The following DNAJB6 variants were observed in gnomAD, a reference collection of about 807,000 sequenced individuals.
DNAJB6 encodes the protein DnaJ heat shock protein family (Hsp40) member B6, also known as dnaJ homolog subfamily B member 6.
In DNAJB6, 16 loss-of-function variants were observed where a neutral mutation model predicts 42.7. The ratio of observed to expected loss-of-function variants is 0.37; its 90% CI spans 0.25 to 0.57. The LOEUF (loss-of-function observed/expected upper bound fraction) is 0.57, where lower values mean the gene tolerates loss of function less well. Among genes scored for constraint, DNAJB6 ranks in the 20% least tolerant of loss-of-function variants. The probability of loss-of-function intolerance (pLI) is 0.74; values close to 1 mark genes in which losing one functional copy is unlikely to be tolerated. For missense variants in DNAJB6, 347 were observed against 416.8 expected, an observed-to-expected ratio of 0.83 and a Z score of 1.46; for synonymous variants, 170 against 163.5, an observed-to-expected ratio of 1.04 and a Z score of -0.30.
At chr7:157,402,932 CTCAG>C (rs1391945644) in intron 8 of DNAJB6, among the ~76,000 whole-genome samples, 6 of 152,324 alleles carry the variant, frequency 3.9e-5, no homozygotes, top group Admixed American at 2.6e-4. Flanking sequence ...CTGAGACCGT[CTCAG>C]TCAGTGTAGA....
At chr7:157,349,182 A>G (rs1023790310) in intron 1 of DNAJB6, among the ~76,000 whole-genome samples, 1 of 152,120 alleles carries the variant, frequency 6.6e-6, no homozygotes, top group Non-Finnish European at 1.5e-5. Flanking sequence ...TGCAACGGCC[A>G]TGTGCATATT....
Position 157,385,583 on chromosome 7 carries a change from T to A in DNAJB6, c.663T>A (p.Asp221Glu). The A allele has an allele frequency of 1.2e-6, 2 of 1,613,950 alleles. No individual in the cohort carries two copies. Among genetic ancestry groups the A allele is most frequent in the Non-Finnish European group, 1.7e-6 (2 of 1,179,868 alleles). ...NGQERVEVEE[D>E]GQLKSLTING... ...AAGAAAGAGTAGAAGTTGAAGAAGATGGCCAGTTAAAGTCCTTAACAATAA... is the reference window on the plus strand; with the variant it reads ...AAGAAAGAGTAGAAGTTGAAGAAGAAGGCCAGTTAAAGTCCTTAACAATAA... Residue 221 changes from aspartate (D) to glutamate (E), a missense_variant, in exon 8 of 10, where the codon GAT becomes GAA. Asp to Glu is a conservative substitution (Grantham distance 45, BLOSUM62 2). Coordinates refer to ENST00000262177, the MANE Select transcript of DNAJB6 (RefSeq NM_058246.4).
intron 1 of DNAJB6, among the ~76,000 whole-genome samples, chr7:157,339,281 CTTTTTTTTTTTT>C (rs34284253): frequency 7.3e-4 from 50 of 68,284 alleles, no homozygotes; most frequent in African/African-American, 2.1e-3. Context: ...CTGTTTGCAC[CTTTTTTTTTTTT>C]TTTTTTTTTT....
chr7:157,369,179 C>A, intron 5 of DNAJB6: 1 of 425,480 alleles, frequency 2.4e-6, no homozygotes, highest in Non-Finnish European at 4.7e-6. Flanking sequence ...TTGCTGTAAT[C>A]ACTGCTGCCA....
intron 8 of DNAJB6, among the ~76,000 whole-genome samples, chr7:157,395,820 T>C (rs1801557783): frequency 6.6e-6 from 1 of 150,724 alleles, no homozygotes; most frequent in African/African-American, 2.4e-5. Flanking sequence ...ACCCGGCTAA[T>C]TCTTTTTATA....
chr7:157,354,255 C>T (rs562148786), intron 1 of DNAJB6, among the ~76,000 whole-genome samples: 1 of 152,062 alleles, frequency 6.6e-6, no homozygotes, highest in African/African-American at 2.4e-5. Flanking sequence ...TCAAGCGATT[C>T]TCCTGCCTCA....
chr7:157,403,356 G>A (rs890281497), intron 8 of DNAJB6, among the ~76,000 whole-genome samples: 1 of 152,208 alleles, frequency 6.6e-6, no homozygotes. Flanking sequence ...GTGAAGATAA[G>A]CTGTCCACTG....
chr7:157,392,591 G>C (rs1481165309), intron 8 of DNAJB6, among the ~76,000 whole-genome samples: 1 of 152,172 alleles, frequency 6.6e-6, no homozygotes, highest in African/African-American at 2.4e-5. Flanking sequence ...CTCTCGTCCT[G>C]TCTGGTTTCT....
intron 8 of DNAJB6, among the ~76,000 whole-genome samples, chr7:157,388,973 C>T (rs1801213397): frequency 6.6e-6 from 1 of 152,266 alleles, no homozygotes; most frequent in South Asian, 2.1e-4. Context: ...AGATGTCAAT[C>T]AATAGTGGCA....
chr7:157,401,807 T>A (rs1425692598), intron 8 of DNAJB6, among the ~76,000 whole-genome samples: 2 of 152,220 alleles, frequency 1.3e-5, no homozygotes, highest in African/African-American at 4.8e-5. Context: ...TGCCCTGACC[T>A]CTGCAGCAGC....
chr7:157,340,235 A>G (rs1434729359), intron 1 of DNAJB6, among the ~76,000 whole-genome samples: 1 of 152,168 alleles, frequency 6.6e-6, no homozygotes, highest in Non-Finnish European at 1.5e-5. Context: ...AAACTTTTTC[A>G]TTTCCTCAGA....
chr7:157,354,797 A>G (rs1034003614), intron 1 of DNAJB6, among the ~76,000 whole-genome samples: 2 of 152,112 alleles, frequency 1.3e-5, no homozygotes, highest in African/African-American at 4.8e-5. Context: ...GAACTTTGTG[A>G]TTTATTTGTG....
chr7:157,391,238 C>T (rs1362051786), intron 8 of DNAJB6, among the ~76,000 whole-genome samples: 1 of 152,164 alleles, frequency 6.6e-6, no homozygotes, highest in Non-Finnish European at 1.5e-5. Flanking sequence ...TTGCAGCCTG[C>T]GTGAGACACG....
At chr7:157,340,963 G>A (rs1798330556) in intron 1 of DNAJB6, among the ~76,000 whole-genome samples, 1 of 135,024 alleles carries the variant, frequency 7.4e-6, no homozygotes, top group Admixed American at 7.3e-5. Context: ...ACCGCACCTG[G>A]CTGTGTGTGT....
chr7:157,371,984 G>A (rs1279886127), intron 5 of DNAJB6, among the ~76,000 whole-genome samples: 1 of 152,222 alleles, frequency 6.6e-6, no homozygotes, highest in Admixed American at 6.5e-5. Context: ...AAGCATCACT[G>A]TGGTACGAAT....
chr7:157,400,692 G>A lies in DNAJB6; in HGVS notation c.692-9103G>A, dbSNP rs1162157787. On this transcript the variant is annotated intron_variant, in intron 8 of 9. Coordinates refer to ENST00000262177, the MANE Select transcript of DNAJB6 (RefSeq NM_058246.4). Reference sequence around the variant, plus strand: ...CCTGGCACGTGTCAGCTGTGGGTCCGGGATGAAGCCCGGGTGGAAGTCGAG... The same window carrying A: ...CCTGGCACGTGTCAGCTGTGGGTCCAGGATGAAGCCCGGGTGGAAGTCGAG... Among the ~76,000 whole-genome samples the A allele has an allele frequency of 2.0e-5, 3 of 152,232 alleles. No homozygotes were observed. In the East Asian group the frequency reaches 5.8e-4, roughly 29 times the overall value.
chr7:157,355,857 C>A (rs985908965), intron 1 of DNAJB6, among the ~76,000 whole-genome samples: 18 of 152,202 alleles, frequency 1.2e-4, no homozygotes, highest in Non-Finnish European at 2.4e-4. Flanking sequence ...ACAGAGCAGG[C>A]TTTCAGTGAG....
intron 1 of DNAJB6, among the ~76,000 whole-genome samples, chr7:157,353,568 G>C (rs11767506): frequency 0.56 from 84,135 of 149,838 alleles, 23,857 homozygotes; most frequent in East Asian, 0.77. Flanking sequence ...TGTCTGTCCC[G>C]TTGTTTTTCT....
In DNAJB6 at chr7:157,363,215, A is replaced by T. The variant is rs1257346268; in HGVS notation, c.120A>T (p.Glu40Asp). The change falls in exon 3 of 10, where the codon GAA becomes GAT. Residue 40 changes from glutamate to aspartate, a missense_variant. Glu to Asp is a conservative substitution (Grantham distance 45, BLOSUM62 2). Around this residue, in one of 3 missense-constraint regions of DNAJB6, gnomAD observed 78 missense variants for 102.1 expected, o/e 0.76. Transcript: ENST00000262177. ...WHPDKNPENK[E>D]EAERKFKQVA... ...CAGATAAAAATCCTGAGAATAAAGA[A>T]GAAGCAGAGAGAAAATTCAAGCAAG... The T allele has an allele frequency of 1.2e-6, 2 of 1,612,004 alleles. No individual in the cohort carries two copies. The highest frequency in any genetic ancestry group is 1.7e-6 in the Non-Finnish European group (2 of 1,179,184).
Sources: allele counts gnomAD v4.1 joint callset (sites outside exome capture counted in the v4.1 genomes callset), GRCh38; gene constraint gnomAD v4.1.1; regional missense constraint gnomAD v4.1.1; transcripts MANE v1.5; gene names NCBI Gene and HGNC (gene_info 2026-07-23, HGNC 2026-07-21).